The following FHOD3 variants were observed in gnomAD, a reference collection of about 807,000 sequenced individuals.
FHOD3 encodes the protein formin homology 2 domain containing 3.
FHOD3 carries 90 observed loss-of-function variants against 173.0 expected under a neutral mutation model. The ratio of observed to expected loss-of-function variants is 0.52; its 90% CI spans 0.44 to 0.62. The LOEUF (loss-of-function observed/expected upper bound fraction) is 0.62, where lower values mean the gene tolerates loss of function less well. Among genes scored for constraint, FHOD3 ranks in the 20% least tolerant of loss-of-function variants. FHOD3 has a pLI of 0.00. For missense variants in FHOD3, 1,945 were observed against 2,034.7 expected, an observed-to-expected ratio of 0.96 and a Z score of 0.85; for synonymous variants, 828 against 823.0, an observed-to-expected ratio of 1.01 and a Z score of -0.10.
chr18:36,619,298 A>G (rs956161297), intron 9 of FHOD3, among the ~76,000 whole-genome samples: 1 of 152,208 alleles, frequency 6.6e-6, no homozygotes, highest in Admixed American at 6.5e-5. Flanking sequence ...CTCTGACTGT[A>G]TCTGACATGA....
chr18:36,538,943 A>T (rs2057098283), intron 5 of FHOD3, among the ~76,000 whole-genome samples: 1 of 152,256 alleles, frequency 6.6e-6, no homozygotes, highest in Non-Finnish European at 1.5e-5. Context: ...GTCTTGATAT[A>T]GTACTGTAGC....
intron 3 of FHOD3, among the ~76,000 whole-genome samples, chr18:36,453,668 G>T (rs148333437): frequency 1.3e-5 from 2 of 152,220 alleles, no homozygotes; most frequent in Non-Finnish European, 2.9e-5. Flanking sequence ...CTCAGGGATG[G>T]CTGGAACAGG....
At chr18:36,359,457 A>C (rs180804134) in intron 2 of FHOD3, among the ~76,000 whole-genome samples, 28 of 152,352 alleles carry the variant, frequency 1.8e-4, no homozygotes, top group African/African-American at 5.5e-4. Flanking sequence ...ATTAGCAAGC[A>C]TGACCTGGTG....
intron 3 of FHOD3, among the ~76,000 whole-genome samples, chr18:36,424,336 T>C (rs1018661271): frequency 1.5e-4 from 23 of 152,224 alleles, no homozygotes; most frequent in Non-Finnish European, 3.2e-4. Context: ...CTCTCTTTTT[T>C]CCCCGTATGC....
At chr18:36,772,069 TTTG>T (rs1320239896) in intron 28 of FHOD3, among the ~76,000 whole-genome samples, 8 of 152,258 alleles carry the variant, frequency 5.3e-5, no homozygotes, top group African/African-American at 1.7e-4. Flanking sequence ...TTTGCCTGTT[TTTG>T]TTGTTGACAT....
intron 19 of FHOD3, among the ~76,000 whole-genome samples, chr18:36,720,726 CCTT>C (rs1156329283): frequency 1.7e-5 from 2 of 119,090 alleles, no homozygotes; most frequent in Non-Finnish European, 3.6e-5. Context: ...TTCTCTTCCT[CCTT>C]CTTCTTCTCC....
intron 14 of FHOD3, among the ~76,000 whole-genome samples, chr18:36,673,248 T>A (rs1426982520): frequency 6.6e-6 from 1 of 152,206 alleles, no homozygotes; most frequent in Non-Finnish European, 1.5e-5. Context: ...ATCACTTTTC[T>A]GTTAAAAAGG....
At chr18:36,522,343 G>A (rs769112962) in intron 5 of FHOD3, among the ~76,000 whole-genome samples, 2 of 152,194 alleles carry the variant, frequency 1.3e-5, no homozygotes, top group African/African-American at 2.4e-5. Context: ...TGAAGCTTTA[G>A]TCCACCTGCT....
Position 36,471,792 on chromosome 18 carries a change from G to A in FHOD3, c.338-30140G>A, listed in dbSNP as rs1286329148. 7.9e-5 allele frequency among the ~76,000 whole-genome samples: 12 copies of A among 152,120 alleles called. No homozygotes were observed. In the South Asian group the frequency reaches 1.5e-3, roughly 18 times the overall value. Reference sequence around the variant, plus strand: ...ATAAGTGATACTTTCTTTGCAGCACGCGGAAAGGTTTTTTGTTTCAGGGAA... The same window carrying A: ...ATAAGTGATACTTTCTTTGCAGCACACGGAAAGGTTTTTTGTTTCAGGGAA... On this transcript the variant is annotated intron_variant, in intron 3 of 28. Transcript: ENST00000590592.
Position 36,718,364 on chromosome 18 carries a change from T to TTCC in FHOD3, c.3066_3067insTCC (p.Pro1022_Pro1023insSer). ...GTCACAGGGAGGCCCCTGGGCCACC[T>TTCC]CCCCCACCCCCACCCACCTTTCTGG... On this transcript the variant is annotated inframe_insertion, in exon 19 of 29. Coordinates refer to ENST00000590592, the MANE Select transcript of FHOD3 (RefSeq NM_001281740.3). The TTCC allele has an allele frequency of 2.3e-4, 307 of 1,312,432 alleles. No individual in the cohort carries two copies. The highest frequency in any genetic ancestry group is 8.2e-4 in the South Asian group (65 of 79,430). The allele number at this position is 1,312,432 out of a possible 1,614,324, so 81.3% of individuals were successfully genotyped here.
intron 3 of FHOD3, among the ~76,000 whole-genome samples, chr18:36,459,932 C>G (rs1006900481): frequency 2.9e-4 from 44 of 152,182 alleles, no homozygotes; most frequent in African/African-American, 1.1e-3. Flanking sequence ...CCTCCTTAGG[C>G]TCTTCTTGGC....
At chr18:36,724,256 G>A (rs1265218136) in intron 19 of FHOD3, among the ~76,000 whole-genome samples, 1 of 152,192 alleles carries the variant, frequency 6.6e-6, no homozygotes, top group African/African-American at 2.4e-5. Flanking sequence ...ATCCAGCCGA[G>A]CCTAAATATC....
intron 3 of FHOD3, among the ~76,000 whole-genome samples, chr18:36,385,555 C>G (rs1002018046): frequency 2.6e-5 from 4 of 152,126 alleles, no homozygotes; most frequent in African/African-American, 7.2e-5. Flanking sequence ...CACCACCATG[C>G]CTGGCTAATT....
chr18:36,524,417 C>T (rs1195928083), intron 5 of FHOD3, among the ~76,000 whole-genome samples: 1 of 151,966 alleles, frequency 6.6e-6, no homozygotes, highest in African/African-American at 2.4e-5. Context: ...AGGCCAGGGG[C>T]GTAGGAGACA....
chr18:36,635,287 T>C (rs934764695), intron 10 of FHOD3, among the ~76,000 whole-genome samples: 7 of 152,246 alleles, frequency 4.6e-5, no homozygotes, highest in African/African-American at 1.4e-4. Flanking sequence ...TGTTGTGGGT[T>C]TGAACTTCCC....
At chr18:36,766,883 A>T (rs866123705) in intron 27 of FHOD3, among the ~76,000 whole-genome samples, 1 of 152,226 alleles carries the variant, frequency 6.6e-6, no homozygotes, top group Non-Finnish European at 1.5e-5. Context: ...TGAGCTTTGC[A>T]TGTTTTTAGA....
chr18:36,762,269 T>G (rs1206646777), intron 27 of FHOD3, among the ~76,000 whole-genome samples: 1 of 152,200 alleles, frequency 6.6e-6, no homozygotes, highest in Non-Finnish European at 1.5e-5. Flanking sequence ...TGTGGCTGAT[T>G]GTAGTTTCCT....
At chr18:36,335,135 AAAG>A (rs746859054) in intron 1 of FHOD3, among the ~76,000 whole-genome samples, 50 of 152,306 alleles carry the variant, frequency 3.3e-4, no homozygotes, top group Admixed American at 1.3e-3. Flanking sequence ...CACACTGGCA[AAAG>A]AAGAATTGTC....
chr18:36,339,237 C>G (rs977474672), intron 1 of FHOD3, among the ~76,000 whole-genome samples: 6 of 152,064 alleles, frequency 3.9e-5, no homozygotes, highest in Non-Finnish European at 8.8e-5. Flanking sequence ...GGGCACTGGG[C>G]AGTAGGGTCT....
Sources: gnomAD v4.1 joint callset for allele counts (sites outside exome capture counted in the v4.1 genomes callset) on GRCh38, gnomAD v4.1.1 for gene constraint, MANE v1.5 for transcripts, NCBI Gene and HGNC (gene_info 2026-07-23, HGNC 2026-07-21) for gene names.